PALM2AKAP2: variants seen among roughly 807,000 people sequenced by gnomAD.
PALM2AKAP2 encodes PALM2-AKAP2 fusion protein.
Under a neutral mutation model 71.5 loss-of-function variants are expected in PALM2AKAP2, and 37 were observed. The ratio of observed to expected loss-of-function variants is 0.52; its 90% CI spans 0.40 to 0.68. PALM2AKAP2 has a LOEUF of 0.68. Among genes scored for constraint, PALM2AKAP2 ranks in the 30% least tolerant of loss-of-function variants. PALM2AKAP2 has a pLI of 0.00. For synonymous variants in PALM2AKAP2, 468 were observed against 478.8 expected (o/e 0.98, Z 0.29); for missense variants, 1,224 against 1,191.8 (o/e 1.03, Z -0.40).
intron 1 of PALM2AKAP2, among the ~76,000 whole-genome samples, chr9:109,696,644 G>A (rs1057211846): frequency 1.3e-5 from 2 of 152,102 alleles, no homozygotes; most frequent in South Asian, 2.1e-4. Context: ...TATCAGCATT[G>A]CCTGTCCTTA....
intron 6 of PALM2AKAP2, among the ~76,000 whole-genome samples, chr9:109,966,956 G>T (rs928656535): frequency 6.6e-5 from 10 of 152,130 alleles, no homozygotes; most frequent in African/African-American, 2.4e-4. Flanking sequence ...GGATTGTTCT[G>T]GTTGTCTTTT....
exon 1 of PALM2AKAP2, chr9:110,048,820 C>T (rs1414923969): frequency 6.5e-7 from 1 of 1,531,924 alleles, no homozygotes; most frequent in Non-Finnish European, 8.7e-7. Flanking sequence ...TGGAGCAGAA[C>T]CCCAGGACTG....
intron 1 of PALM2AKAP2, among the ~76,000 whole-genome samples, chr9:109,831,385 T>C (rs1181253299): frequency 6.6e-6 from 1 of 152,136 alleles, no homozygotes; most frequent in Admixed American, 6.5e-5. Context: ...GAGATAAAGA[T>C]GTTGATGGTT....
chr9:109,660,121 A>G (rs577615389), intron 1 of PALM2AKAP2, among the ~76,000 whole-genome samples: 1 of 152,330 alleles, frequency 6.6e-6, no homozygotes, highest in South Asian at 2.1e-4. Context: ...GGTATAAGCT[A>G]CTGCACCTGA....
intron 1 of PALM2AKAP2, among the ~76,000 whole-genome samples, chr9:109,746,803 A>C (rs1171332627): frequency 6.6e-6 from 1 of 152,236 alleles, no homozygotes; most frequent in Non-Finnish European, 1.5e-5. Flanking sequence ...AGACTAAGAA[A>C]CTTGCCCAAA....
At chr9:109,910,050 A>G (rs567277120) in intron 3 of PALM2AKAP2, among the ~76,000 whole-genome samples, 15 of 152,352 alleles carry the variant, frequency 9.8e-5, no homozygotes, top group African/African-American at 3.6e-4. Flanking sequence ...GAGAGAGCCT[A>G]TACTAGGGCT....
At chr9:110,060,910 T>C (rs1833952953) in intron 1 of PALM2AKAP2, among the ~76,000 whole-genome samples, 1 of 152,186 alleles carries the variant, frequency 6.6e-6, no homozygotes, top group African/African-American at 2.4e-5. Flanking sequence ...TAAGTTAAGC[T>C]TACAAGTTAA....
At chr9:110,072,274 A>C (rs1209654082) in intron 1 of PALM2AKAP2, among the ~76,000 whole-genome samples, 1 of 152,084 alleles carries the variant, frequency 6.6e-6, no homozygotes, top group African/African-American at 2.4e-5. Context: ...CATAACCCAA[A>C]CTCAAGCTGC....
intron 6 of PALM2AKAP2, among the ~76,000 whole-genome samples, chr9:109,985,542 C>T (rs1279369077): frequency 1.3e-5 from 2 of 150,966 alleles, no homozygotes; most frequent in African/African-American, 4.9e-5. Context: ...ATGGCGTGAA[C>T]CTGGGGGGTG....
intron 3 of PALM2AKAP2, among the ~76,000 whole-genome samples, chr9:109,915,366 T>G (rs746930156): frequency 1.3e-4 from 20 of 152,230 alleles, no homozygotes; most frequent in Non-Finnish European, 2.8e-4. Flanking sequence ...TTCAATGGCT[T>G]CTACTCCCAG....
rs533645230 is a variant in PALM2AKAP2 at position 109,646,783 on chromosome 9, A to G, written c.5+5917A>G. Among the ~76,000 whole-genome samples, 6 of 152,290 alleles carry G rather than the reference A, an allele frequency of 3.9e-5. No homozygotes were observed. In the South Asian group the frequency reaches 1.2e-3, roughly 32 times the overall value. Reference sequence around the variant, plus strand: ...CTTCAAGGAGCTTACGGCTTAGTCTATGTGTGACTATGGATACTTTGTGAG... The same window carrying G: ...CTTCAAGGAGCTTACGGCTTAGTCTGTGTGTGACTATGGATACTTTGTGAG... On this transcript the variant is annotated intron_variant, in intron 1 of 6. Coordinates refer to the PALM2AKAP2 transcript ENST00000374531.
At position 109,667,976 on chromosome 9, in the gene PALM2AKAP2, G is replaced by A. The variant is rs1305222823; in HGVS notation, c.5+27110G>A. On this transcript the variant is annotated intron_variant, in intron 1 of 6. Coordinates refer to the PALM2AKAP2 transcript ENST00000374531. The stretch of plus-strand genomic sequence containing the variant: ...TTTTGAGACGGAGTCTCGCTCTGTC[G>A]CCCAGGCTGGAGTGCAGTGGCGGGA... 1.6e-3 allele frequency among the ~76,000 whole-genome samples: 22 copies of A among 13,900 alleles called. 5 individuals carry two copies. The African/African-American group carries it at 0.021, about 13-fold the overall frequency. 9.1% of individuals were successfully genotyped at this position (13,900 alleles called of 152,430 possible).
intron 1 of PALM2AKAP2, among the ~76,000 whole-genome samples, chr9:110,086,824 A>T (rs1834585398): frequency 6.6e-6 from 1 of 152,118 alleles, no homozygotes; most frequent in Non-Finnish European, 1.5e-5. Flanking sequence ...ATCATTACAA[A>T]ACAGATAGTC....
At position 109,811,867 on chromosome 9, in the gene PALM2AKAP2, C is replaced by G. The variant is rs907293987; in HGVS notation, c.45+31334C>G. ...AGATTATAGGCATGAGCCACTGTAC[C>G]CAGGTATATTGTATTTTCTTAAAGC... On this transcript the variant is annotated intron_variant, in intron 1 of 9. Coordinates refer to the PALM2AKAP2 transcript ENST00000302798. Among the ~76,000 whole-genome samples the G allele has an allele frequency of 2.0e-5, 3 of 152,334 alleles. No individual in the cohort carries two copies. In the East Asian group the frequency reaches 5.8e-4, roughly 29 times the overall value.
chr9:109,803,107 A>AG (rs1827478299), intron 1 of PALM2AKAP2, among the ~76,000 whole-genome samples: 2 of 152,224 alleles, frequency 1.3e-5, no homozygotes, highest in Non-Finnish European at 2.9e-5. Context: ...TTTGGGGAAA[A>AG]AAAAAGAAAC....
chr9:110,061,606 T>TTA (rs894420167), intron 1 of PALM2AKAP2, among the ~76,000 whole-genome samples: 36 of 147,790 alleles, frequency 2.4e-4, no homozygotes, highest in South Asian at 6.3e-4. Context: ...TACCATTATT[T>TTA]TATATATATA....
intron 1 of PALM2AKAP2, among the ~76,000 whole-genome samples, chr9:110,110,542 CTTTTTTTTTTT>C (rs559402514): frequency 4.2e-5 from 4 of 95,356 alleles, no homozygotes; most frequent in Admixed American, 1.2e-4. Context: ...TTTCTGAACT[CTTTTTTTTTTT>C]TTTTTTTTTT....
Position 110,135,164 on chromosome 9 carries a change from A to AAAAAATATATATATATAT in PALM2AKAP2, c.157-962_157-961insAAAATATATATATATATA. Among the ~76,000 whole-genome samples, 6 of 51,732 alleles carry AAAAAATATATATATATAT rather than the reference A, an allele frequency of 1.2e-4. 1 individual carries two copies. The highest frequency in any genetic ancestry group is 4.4e-4 in the African/African-American group (6 of 13,628). The allele number at this position is 51,732 out of a possible 152,430, so 33.9% of individuals were successfully genotyped here. A position where few individuals can be genotyped will look rare whatever the true frequency, so the allele number is the denominator to read the frequency against. On this transcript the variant is annotated intron_variant, in intron 1 of 3. Coordinates refer to ENST00000374525, the Ensembl canonical transcript of PALM2AKAP2. ...AACTCTGTCTCTACAAAAAAAAAAA[A>AAAAAATATATATATATAT]ATATATAAATATATATATATATATA... is the stretch of plus-strand genomic sequence containing the variant.
chr9:109,837,755 A>G lies in PALM2AKAP2; in HGVS notation c.46-29736A>G, dbSNP rs543950383. On this transcript the variant is annotated intron_variant, in intron 1 of 9. Transcript: ENST00000302798. ...TAGCCTCTGATAAAACAGACTTTAA[A>G]CCAACAAAAATCAAAAGAGACAAAG... Among the ~76,000 whole-genome samples, 22 of 152,322 alleles carry G rather than the reference A, an allele frequency of 1.4e-4. No individual in the cohort carries two copies. In the East Asian group the frequency reaches 3.9e-3, roughly 27 times the overall value.
Sources: gnomAD v4.1 joint callset for allele counts (sites outside exome capture counted in the v4.1 genomes callset) on GRCh38, gnomAD v4.1.1 for gene constraint, MANE v1.5 for transcripts, NCBI Gene and HGNC (gene_info 2026-07-23, HGNC 2026-07-21) for gene names.